Variants in CADM1 observed in about 807,000 individuals in gnomAD.
CADM1 encodes the protein TSLC-1.
In CADM1, 15 loss-of-function variants were observed where a neutral mutation model predicts 53.1. That is an observed-to-expected ratio of 0.28 (90% CI 0.19 to 0.44). The LOEUF (loss-of-function observed/expected upper bound fraction) is 0.44. Ranked by LOEUF, CADM1 falls within the 20% of genes least tolerant of loss-of-function variation. The pLI, the probability that CADM1 is intolerant of heterozygous loss-of-function variation, is 1.00. For synonymous variants in CADM1, 281 were observed against 243.0 expected (o/e 1.16, Z -1.45); for missense variants, 434 against 611.3 (o/e 0.71, Z 3.06).
chr11:115,401,965 T>C (rs1336088228), intron 1 of CADM1, among the ~76,000 whole-genome samples: 1 of 152,140 alleles, frequency 6.6e-6, no homozygotes, highest in Non-Finnish European at 1.5e-5. Context: ...AAATTAAGTC[T>C]TTTTTAAGAA....
intron 3 of CADM1, among the ~76,000 whole-genome samples, chr11:115,236,666 C>T (rs1942021657): frequency 6.6e-6 from 1 of 151,934 alleles, no homozygotes; most frequent in Non-Finnish European, 1.5e-5. Flanking sequence ...TATCAGGCAC[C>T]AGAAAATGAC....
intron 1 of CADM1, among the ~76,000 whole-genome samples, chr11:115,252,749 A>G (rs1942647168): frequency 1.3e-5 from 2 of 152,182 alleles, no homozygotes; most frequent in Admixed American, 1.3e-4. Flanking sequence ...AAAACCTAAA[A>G]AAAAAAATCA....
At chr11:115,396,973 G>A (rs1947015874) in intron 1 of CADM1, 1 of 151,820 alleles carries the variant, frequency 6.6e-6, no homozygotes, top group African/African-American at 2.4e-5. Flanking sequence ...CTGTTACCAT[G>A]GGAATGACAG....
At chr11:115,219,514 C>A (rs1941324452) in intron 5 of CADM1, among the ~76,000 whole-genome samples, 1 of 152,158 alleles carries the variant, frequency 6.6e-6, no homozygotes, top group South Asian at 2.1e-4. Flanking sequence ...AGTTAACAAG[C>A]CCAGAAGCTC....
intron 5 of CADM1, among the ~76,000 whole-genome samples, chr11:115,227,612 A>G (rs965671943): frequency 2.6e-5 from 4 of 152,216 alleles, no homozygotes; most frequent in Non-Finnish European, 5.9e-5. Context: ...ATAATATCTG[A>G]TCATTTCCGT....
At chr11:115,500,774 T>TG (rs1461836758) in intron 1 of CADM1, among the ~76,000 whole-genome samples, 1 of 152,188 alleles carries the variant, frequency 6.6e-6, no homozygotes, top group Non-Finnish European at 1.5e-5. Flanking sequence ...AATTTAGAGC[T>TG]GGAAGAAAGG....
At chr11:115,259,887 T>C (rs1942919123) in intron 1 of CADM1, among the ~76,000 whole-genome samples, 1 of 152,200 alleles carries the variant, frequency 6.6e-6, no homozygotes, top group South Asian at 2.1e-4. Flanking sequence ...TGCTCAGTCC[T>C]GTCTCCATCT....
intron 1 of CADM1, among the ~76,000 whole-genome samples, chr11:115,423,113 G>T (rs1172560572): frequency 6.6e-6 from 1 of 151,792 alleles, no homozygotes; most frequent in Admixed American, 6.6e-5. Context: ...AAATTTAAAT[G>T]AGTTTTGATT....
At chr11:115,226,069 T>C (rs959034196) in intron 5 of CADM1, among the ~76,000 whole-genome samples, 1 of 152,176 alleles carries the variant, frequency 6.6e-6, no homozygotes, top group African/African-American at 2.4e-5. Context: ...TATTTCCTAG[T>C]GATAACCTAT....
intron 1 of CADM1, among the ~76,000 whole-genome samples, chr11:115,280,172 A>C (rs1943550091): frequency 6.6e-6 from 1 of 152,240 alleles, no homozygotes; most frequent in Non-Finnish European, 1.5e-5. Flanking sequence ...GAGAAACAAA[A>C]CAGACAGTGT....
At chr11:115,274,048 T>C (rs1184518536) in intron 1 of CADM1, among the ~76,000 whole-genome samples, 1 of 152,242 alleles carries the variant, frequency 6.6e-6, no homozygotes, top group East Asian at 1.9e-4. Flanking sequence ...TCCTACCCGA[T>C]GCTTTTCAAC....
At position 115,452,267 on chromosome 11, in the gene CADM1, A is replaced by T. The variant is rs148799876; in HGVS notation, c.124+52004T>A. 7.0e-4 allele frequency among the ~76,000 whole-genome samples: 107 copies of T among 152,228 alleles called. 1 individual carries two copies. The East Asian group carries it at 0.019, about 27-fold the overall frequency. ...CACCCACTTGTTCAGATGACCCAAG[A>T]TTTCCTCTGATTATGTGAACCAGAC... is the stretch of plus-strand genomic sequence containing the variant. On this transcript the variant is annotated intron_variant, in intron 1 of 11. Transcript: ENST00000331581.
chr11:115,411,278 CAAG>C (rs1224340981), intron 1 of CADM1, among the ~76,000 whole-genome samples: 3 of 152,100 alleles, frequency 2.0e-5, no homozygotes, highest in East Asian at 1.9e-4. Flanking sequence ...CTGTTTGTGT[CAAG>C]AAGAACAGAA....
At chr11:115,219,789 T>C (rs1472663168) in intron 5 of CADM1, among the ~76,000 whole-genome samples, 2 of 152,172 alleles carry the variant, frequency 1.3e-5, no homozygotes, top group East Asian at 3.8e-4. Context: ...GGTGTGGGTT[T>C]ATTGTTTGTA....
intron 1 of CADM1, among the ~76,000 whole-genome samples, chr11:115,362,089 G>A (rs1158092460): frequency 1.3e-5 from 2 of 152,102 alleles, no homozygotes; most frequent in Non-Finnish European, 2.9e-5. Flanking sequence ...TCTGTTGACT[G>A]AGTTTGGGTA....
intron 1 of CADM1, among the ~76,000 whole-genome samples, chr11:115,301,596 T>C (rs1345708509): frequency 1.3e-5 from 2 of 152,168 alleles, no homozygotes; most frequent in Non-Finnish European, 2.9e-5. Flanking sequence ...ACTTTACTGA[T>C]CATATAGCCC....
At chr11:115,192,667 A>G (rs1319351276) in intron 9 of CADM1, among the ~76,000 whole-genome samples, 2 of 152,226 alleles carry the variant, frequency 1.3e-5, no homozygotes, top group African/African-American at 4.8e-5. Flanking sequence ...CCACTGAACC[A>G]CATTAAACAA....
intron 1 of CADM1, among the ~76,000 whole-genome samples, chr11:115,268,619 G>A (rs1646388758): frequency 1.3e-5 from 2 of 152,146 alleles, no homozygotes; most frequent in South Asian, 4.1e-4. Flanking sequence ...ACCAGAGCAG[G>A]GCCCAGCACT....
intron 6 of CADM1, among the ~76,000 whole-genome samples, chr11:115,216,209 A>T (rs1941176019): frequency 6.6e-6 from 1 of 152,250 alleles, no homozygotes; most frequent in Admixed American, 6.5e-5. Context: ...AACATGCTAG[A>T]AGGGGTAGCA....
Sources: gnomAD v4.1 joint callset for allele counts (sites outside exome capture counted in the v4.1 genomes callset) on GRCh38, gnomAD v4.1.1 for gene constraint, MANE v1.5 for transcripts, NCBI Gene and HGNC (gene_info 2026-07-23, HGNC 2026-07-21) for gene names.